IREB2: variants seen among roughly 807,000 people sequenced by gnomAD.
IREB2 encodes iron-responsive element-binding protein 2.
Under a neutral mutation model 118.8 loss-of-function variants are expected in IREB2, and 39 were observed. That is an observed-to-expected ratio of 0.33 (90% confidence interval 0.25 to 0.43). The LOEUF (loss-of-function observed/expected upper bound fraction) is 0.43. IREB2 is among the 20% of genes least tolerant of loss of function. The probability of loss-of-function intolerance (pLI) is 1.00; values close to 1 mark genes in which losing one functional copy is unlikely to be tolerated. For synonymous variants in IREB2, 372 were observed against 392.2 expected (o/e 0.95, Z 0.61); for missense variants, 900 against 1,147.3 (o/e 0.78, Z 3.11).
Position 78,494,221 on chromosome 15 carries a change from C to T in IREB2, c.2552C>T (p.Ser851Leu). The T allele has an allele frequency of 6.2e-7, 1 of 1,613,950 alleles. No individual in the cohort carries two copies. Among genetic ancestry groups the T allele is most frequent in the Non-Finnish European group, 8.5e-7 (1 of 1,179,930 alleles). The change falls in exon 20 of 22, where the codon TCA (serine) becomes TTA (leucine). Residue 851 changes from serine to leucine, a missense_variant. Transcript: ENST00000258886. ...ATTTTAGCAGGAAAGAAATATGGTT[C>T]AGGAAACTCCAGAGACTGGGCTGCC... is the stretch of plus-strand genomic sequence containing the variant. ...LIILAGKKYG[S>L]GNSRDWAAKG... is the part of the protein sequence containing the mutation.
Position 78,483,364 on chromosome 15 carries a change from CA to C in IREB2, c.1348del (p.Arg450AspfsTer8). On this transcript the variant is annotated frameshift_variant, in exon 11 of 22. Coordinates refer to ENST00000258886, the MANE Select transcript of IREB2 (RefSeq NM_004136.4). LOFTEE classifies it high-confidence loss of function. ...TCAATAGTTCCATCTGTTAGTGGTC[CA>C]AAAAGACCTCAGGATAGAGTTGCTG... is the stretch of plus-strand genomic sequence containing the variant. ...LNSIVPSVSGPKRPQDRVAVT... is the reference protein window; with the variant it reads ...LNSIVPSVSGXKRPQDRVAVT... The C allele has an allele frequency of 3.7e-6, 6 of 1,607,240 alleles. No individual in the cohort carries two copies. Among genetic ancestry groups the C allele is most frequent in the Non-Finnish European group, 4.3e-6 (5 of 1,174,012 alleles).
Position 78,462,885 on chromosome 15 carries a change from CTG to C in IREB2, c.107-35_107-34del, listed in dbSNP as rs373340602. ...TTTTAAAAATAATATATAGGTATGA[CTG>C]TTTGCTTATTAATAGTAATATTTTC... On this transcript the variant is annotated intron_variant, in intron 2 of 21. Coordinates refer to ENST00000258886, the MANE Select transcript of IREB2 (RefSeq NM_004136.4). 200 of 1,481,890 alleles carry C rather than the reference CTG, an allele frequency of 1.3e-4. 1 individual carries two copies. The East Asian group carries it at 3.8e-3, about 28-fold the overall frequency. 91.8% of individuals were successfully genotyped at this position (1,481,890 alleles called of 1,614,324 possible). A position where few individuals can be genotyped will look rare whatever the true frequency, so the allele number is the denominator to read the frequency against.
At chr15:78,470,511 G>A in intron 5 of IREB2, 21 bp from the exon 6 acceptor site, 1 of 1,546,330 alleles carries the variant, frequency 6.5e-7, no homozygotes, top group Non-Finnish European at 8.8e-7. Flanking sequence ...TACGTTTAAT[G>A]CCAGCTCTTC....
At chr15:78,481,090 A>G (rs1489816358) in intron 10 of IREB2, among the ~76,000 whole-genome samples, 1 of 152,086 alleles carries the variant, frequency 6.6e-6, no homozygotes, top group Admixed American at 6.5e-5. Context: ...CCAAGGCAAG[A>G]GGATTACTTA....
chr15:78,447,399 C>A (rs1034417581), intron 2 of IREB2, among the ~76,000 whole-genome samples: 11 of 151,046 alleles, frequency 7.3e-5, no homozygotes, highest in African/African-American at 2.7e-4. Context: ...GGCACCGTCT[C>A]GGCTCACTGC....
At position 78,487,728 on chromosome 15, in the gene IREB2, T is replaced by C. The variant is rs1437207268; in HGVS notation, c.1710-5T>C. 7.7e-6 allele frequency: 12 copies of C among 1,549,302 alleles called. No individual in the cohort carries two copies. In the South Asian group the frequency reaches 1.1e-4, roughly 15 times the overall value. On this transcript the variant is annotated splice_polypyrimidine_tract_variant and splice_region_variant and intron_variant, in intron 13 of 21. Transcript: ENST00000258886. ...CTATTCAGTCACTTTTTTTTTGAAA[T>C]GCAGATTTGAAATCGTTGGCTATGG...
At chr15:78,484,446 C>T (rs1188529850) in intron 11 of IREB2, among the ~76,000 whole-genome samples, 2 of 152,126 alleles carry the variant, frequency 1.3e-5, no homozygotes, top group Admixed American at 1.3e-4. Flanking sequence ...TCTGCCATCT[C>T]TTGAGAATTA....
intron 18 of IREB2, among the ~76,000 whole-genome samples, chr15:78,492,421 A>G (rs945943714): frequency 2.1e-5 from 3 of 140,512 alleles, no homozygotes; most frequent in African/African-American, 7.9e-5. Context: ...GTCACAGACC[A>G]TCAGGCTTCT....
intron 12 of IREB2, 123 bp from the exon 13 acceptor site, chr15:78,485,582 C>T (rs2051645068): frequency 1.0e-6 from 1 of 981,948 alleles, no homozygotes; most frequent in Non-Finnish European, 1.5e-6. Flanking sequence ...AAAATAATGA[C>T]AGTAAGTTTA....
chr15:78,449,639 C>G (rs1356411590), intron 2 of IREB2, among the ~76,000 whole-genome samples: 1 of 152,182 alleles, frequency 6.6e-6, no homozygotes, highest in East Asian at 1.9e-4. Context: ...GTCTGCAAGC[C>G]AGCAGACATG....
intron 13 of IREB2, 138 bp downstream of exon 13, chr15:78,485,978 C>A: frequency 1.4e-6 from 1 of 715,442 alleles, no homozygotes; most frequent in Non-Finnish European, 2.3e-6. Flanking sequence ...CATTACCATA[C>A]AATTTTTGAT....
At chr15:78,473,657 T>C (rs1487829546) in intron 8 of IREB2, 1 of 321,200 alleles carries the variant, frequency 3.1e-6, no homozygotes, top group Non-Finnish European at 5.8e-6. Context: ...ATTGTAACTC[T>C]GAGAAAACTA....
chr15:78,448,437 G>A lies in IREB2; in HGVS notation c.106+8556G>A, dbSNP rs144771370. On this transcript the variant is annotated intron_variant, in intron 2 of 21. Transcript: ENST00000258886. ...TGGGATTACAGCCGTGAGCCATCAC[G>A]CCGGGCCCAATGGCAATATATTTTA... Among the ~76,000 whole-genome samples the A allele has an allele frequency of 9.4e-3, 1,435 of 152,178 alleles. 24 individuals carry two copies. Among genetic ancestry groups the A allele is most frequent in the African/African-American group, 0.033 (1,350 of 41,490 alleles).
At chr15:78,456,907 T>C (rs2051114855) in intron 2 of IREB2, among the ~76,000 whole-genome samples, 1 of 152,210 alleles carries the variant, frequency 6.6e-6, no homozygotes, top group African/African-American at 2.4e-5. Context: ...TACTACTCTT[T>C]CTTGATTTTC....
chr15:78,481,203 C>G (rs1456718008), intron 10 of IREB2, among the ~76,000 whole-genome samples: 28 of 152,108 alleles, frequency 1.8e-4, no homozygotes. Context: ...GAGCTATGAT[C>G]GAGTCAATGC....
upstream of IREB2, among the ~76,000 whole-genome samples, chr15:78,437,951 G>T (rs1184414660): frequency 6.6e-6 from 1 of 152,220 alleles, no homozygotes; most frequent in African/African-American, 2.4e-5. Context: ...TCGAATTCAT[G>T]ACCCCAATAG....
chr15:78,465,129 GA>G, intron 3 of IREB2, 121 bp from the exon 4 acceptor site: 1 of 747,884 alleles, frequency 1.3e-6, no homozygotes, highest in Non-Finnish European at 2.1e-6. Flanking sequence ...AGTACATTAT[GA>G]AAAATGAATG....
chr15:78,477,401 T>G (rs111621193), intron 9 of IREB2, among the ~76,000 whole-genome samples: 3 of 152,176 alleles, frequency 2.0e-5, no homozygotes, highest in Admixed American at 1.3e-4. Flanking sequence ...TCCTGAAGGC[T>G]TGTTGTGCTT....
intron 3 of IREB2, 149 bp downstream of exon 3, chr15:78,463,236 T>G: frequency 1.4e-6 from 1 of 700,906 alleles, no homozygotes; most frequent in Non-Finnish European, 2.3e-6. Flanking sequence ...CCTGGGAGTT[T>G]GCAGTCAGTC....
Sources: gnomAD v4.1 joint callset for allele counts (sites outside exome capture counted in the v4.1 genomes callset) on GRCh38, gnomAD v4.1.1 for gene constraint, MANE v1.5 for transcripts, NCBI Gene and HGNC (gene_info 2026-07-23, HGNC 2026-07-21) for gene names.